Variants in ECPAS observed in about 807,000 individuals in gnomAD.
The protein encoded by ECPAS is proteasome adapter and scaffold protein ECM29.
In ECPAS, 70 loss-of-function variants were observed where a neutral mutation model predicts 255.1. The observed-to-expected ratio is 0.27, with a 90% CI of 0.23 to 0.33. The LOEUF is 0.33. ECPAS is among the 10% of genes least tolerant of loss of function. ECPAS has a pLI of 1.00. For synonymous variants in ECPAS, 784 were observed against 775.0 expected (o/e 1.01, Z -0.19); for missense variants, 1,817 against 2,206.4 (o/e 0.82, Z 3.54).
intron 19 of ECPAS, 74 bp from the exon 20 acceptor site, chr9:111,414,060 A>C: frequency 1.0e-6 from 1 of 982,860 alleles, no homozygotes; most frequent in Non-Finnish European, 1.5e-6. Context: ...AATTCCTTTA[A>C]AGTATAAGGC....
At chr9:111,411,773 A>C (rs1425445711) in intron 21 of ECPAS, 2 of 366,490 alleles carry the variant, frequency 5.5e-6, no homozygotes, top group African/African-American at 4.3e-5. Flanking sequence ...AGGGATTCTC[A>C]TGTATTTATG....
rs1589231048 is a variant in ECPAS at position 111,465,391 on chromosome 9, T to A, written c.22+7506A>T. On this transcript the variant is annotated intron_variant, in intron 2 of 49. Coordinates refer to ENST00000684092, the MANE Select transcript of ECPAS (RefSeq NM_001364929.1). ...CCTGTCTCTACTTAAAATAAAAAAA[T>A]TAGCCAGGCATGGTGGCGGGCGCCT... Among the ~76,000 whole-genome samples, 2 of 151,974 alleles carry A rather than the reference T, an allele frequency of 1.3e-5. 1 individual carries two copies. Among genetic ancestry groups the A allele is most frequent in the South Asian group, 4.1e-4 (2 of 4,822 alleles).
chr9:111,455,837 A>G (rs1336982959), intron 2 of ECPAS, among the ~76,000 whole-genome samples: 2 of 152,190 alleles, frequency 1.3e-5, no homozygotes, highest in Non-Finnish European at 1.5e-5. Flanking sequence ...GATTCTTGGA[A>G]GCTTGCACCT....
chr9:111,484,073 C>G, intron 1 of ECPAS, 43 bp downstream of exon 1: 1 of 1,160,302 alleles, frequency 8.6e-7, no homozygotes, highest in Non-Finnish European at 1.1e-6. Context: ...CGCCGCCGCG[C>G]GCGCAGGGCC....
intron 2 of ECPAS, among the ~76,000 whole-genome samples, chr9:111,468,628 T>TGA (rs199930694): frequency 0.064 from 8,899 of 139,724 alleles, 314 homozygotes; most frequent in South Asian, 0.11. Context: ...AGAGAGTGAG[T>TGA]GAGAGAGAGA....
At chr9:111,438,481 G>A (rs1411974410) in intron 6 of ECPAS, among the ~76,000 whole-genome samples, 4 of 152,020 alleles carry the variant, frequency 2.6e-5, no homozygotes, top group African/African-American at 7.2e-5. Flanking sequence ...GGTGGTGCAC[G>A]CCTGTAGTCC....
intron 7 of ECPAS, among the ~76,000 whole-genome samples, chr9:111,434,498 T>C (rs1000136726): frequency 1.3e-5 from 2 of 151,848 alleles, no homozygotes; most frequent in Admixed American, 1.3e-4. Flanking sequence ...CAAGTAGAAA[T>C]GTATTGTTTA....
In ECPAS at chr9:111,366,611, C is replaced by A; in HGVS notation, c.5130G>T (p.Glu1710Asp). Reference sequence around the variant, plus strand: ...GCCGTTCACACATCAGTTTGCACAGCTCCTGACGATAACAACCTGGGAAAA... The same window carrying A: ...GCCGTTCACACATCAGTTTGCACAGATCCTGACGATAACAACCTGGGAAAA... ...NAETQRCYRQ[E>D]LCKLMCERLK... Residue 1710 changes from glutamate to aspartate, a missense_variant, in exon 47 of 50, where the codon GAG (glutamate) becomes GAT (aspartate). Glu to Asp is a conservative substitution (Grantham distance 45). Coordinates refer to ENST00000684092, the MANE Select transcript of ECPAS (RefSeq NM_001364929.1). 1 of 1,612,710 alleles carries A rather than the reference C, an allele frequency of 6.2e-7. No individual in the cohort carries two copies. The highest frequency in any genetic ancestry group is 8.5e-7 in the Non-Finnish European group (1 of 1,179,172).
chr9:111,410,069 C>T lies in ECPAS; in HGVS notation c.2522G>A (p.Arg841Lys). ...ATTTGTTTCTTTACTGGAAGGTATTCTACTTAGTAAGCTTTCTACAAGATG... is the reference window on the plus strand; with the variant it reads ...ATTTGTTTCTTTACTGGAAGGTATTTTACTTAGTAAGCTTTCTACAAGATG... The part of the protein sequence containing the change: ...KLHLVESLLS[R>K]IPSSKETNKM... The change falls in exon 23 of 50, where the codon AGA becomes AAA. Residue 841 changes from arginine to lysine, a missense_variant. This residue lies in a region of ECPAS where 194 missense variants were observed against 152.8 expected (regional missense o/e 1.27). Coordinates refer to ENST00000684092, the MANE Select transcript of ECPAS (RefSeq NM_001364929.1). The T allele has an allele frequency of 6.3e-7, 1 of 1,575,600 alleles. No individual in the cohort carries two copies. Among genetic ancestry groups the T allele is most frequent in the Non-Finnish European group, 8.6e-7 (1 of 1,159,686 alleles).
chr9:111,400,235 C>G (rs1446975528), intron 24 of ECPAS, among the ~76,000 whole-genome samples: 1 of 152,200 alleles, frequency 6.6e-6, no homozygotes, highest in Non-Finnish European at 1.5e-5. Context: ...GCAGTGACCA[C>G]AGGCTTAGGG....
intron 35 of ECPAS, among the ~76,000 whole-genome samples, chr9:111,380,004 T>C (rs981589392): frequency 9.2e-5 from 14 of 152,238 alleles, no homozygotes; most frequent in African/African-American, 3.1e-4. Flanking sequence ...CCTCCTCCCA[T>C]GAATCATGAA....
intron 2 of ECPAS, among the ~76,000 whole-genome samples, chr9:111,453,252 TAAAGA>T (rs1156893799): frequency 6.6e-6 from 1 of 151,398 alleles, no homozygotes; most frequent in African/African-American, 2.4e-5. Flanking sequence ...GTCTCAAAAA[TAAAGA>T]AATGGAACAT....
Position 111,414,285 on chromosome 9 carries a change from A to G in ECPAS, c.1987+144T>C, listed in dbSNP as rs2098199618. The G allele has an allele frequency of 5.6e-6, 4 of 711,712 alleles. No individual in the cohort carries two copies. The Admixed American group carries it at 8.6e-5, about 15-fold the overall frequency. The allele number at this position is 711,712 out of a possible 1,614,324, so 44.1% of individuals were successfully genotyped here. On this transcript the variant is annotated intron_variant, in intron 19 of 49. Transcript: ENST00000684092. ...AAAAGAAGTAGTGTATCCAGAATGA[A>G]TCAGGTAAGTTTAAAAAGAAACAAA...
intron 2 of ECPAS, among the ~76,000 whole-genome samples, chr9:111,455,940 G>A (rs1018640097): frequency 2.0e-5 from 3 of 152,154 alleles, no homozygotes; most frequent in Admixed American, 2.0e-4. Flanking sequence ...GCTGAATCCT[G>A]TGAGTCCTAC....
At chr9:111,387,793 C>T (rs1320467077) in intron 31 of ECPAS, among the ~76,000 whole-genome samples, 1 of 146,422 alleles carries the variant, frequency 6.8e-6, no homozygotes, top group African/African-American at 2.8e-5. Flanking sequence ...GAGTCTCACT[C>T]ATCATCAGTG....
chr9:111,362,211 C>T (rs1410116505), intron 49 of ECPAS, 42 bp from the exon 50 acceptor site: 1 of 1,458,944 alleles, frequency 6.9e-7, no homozygotes, highest in Non-Finnish European at 9.1e-7. Context: ...AAACAAAAAA[C>T]AAAGCAAAAA....
At chr9:111,399,483 C>T (rs778703544) in intron 24 of ECPAS, among the ~76,000 whole-genome samples, 7 of 152,180 alleles carry the variant, frequency 4.6e-5, no homozygotes, top group Non-Finnish European at 8.8e-5. Flanking sequence ...AACTCAGTAA[C>T]ACCCGGTCAC....
chr9:111,392,246 C>CA (rs1250299504), intron 28 of ECPAS, among the ~76,000 whole-genome samples: 1 of 152,028 alleles, frequency 6.6e-6, no homozygotes, highest in Admixed American at 6.5e-5. Flanking sequence ...ACAACAACAA[C>CA]AAAAAACAGC....
In ECPAS at chr9:111,411,139, G is replaced by C. The variant is rs1342037865; in HGVS notation, c.2218C>G (p.Pro740Ala). ...AGCAAGGATCCATGCTGTATCTCCGGGCTCTGAATTTAGCAAAAACAATAG... is the reference window on the plus strand; with the variant it reads ...AGCAAGGATCCATGCTGTATCTCCGCGCTCTGAATTTAGCAAAAACAATAG... ...LIKTTKDNHS[P>A]EIQHGSLLAL... Residue 740 changes from proline (P) to alanine (A), a missense_variant, in exon 22 of 50, where the codon CCG (proline) becomes GCG (alanine). Physicochemically the swap from Pro to Ala is conservative, Grantham distance 27 (BLOSUM62 -1). This residue lies in a region of ECPAS where 194 missense variants were observed against 152.8 expected (regional missense o/e 1.27). Transcript: ENST00000684092. 1.4e-5 allele frequency: 22 copies of C among 1,612,826 alleles called. No homozygotes were observed. The highest frequency in any genetic ancestry group is 1.9e-5 in the Non-Finnish European group (22 of 1,179,456).
Sources: gnomAD v4.1 joint callset for allele counts (sites outside exome capture counted in the v4.1 genomes callset) on GRCh38, gnomAD v4.1.1 for gene constraint, gnomAD v4.1.1 regional missense constraint, MANE v1.5 for transcripts, NCBI Gene and HGNC (gene_info 2026-07-23, HGNC 2026-07-21) for gene names.